Variants in ABTB3 observed in about 807,000 individuals in gnomAD.
ABTB3 encodes the protein ankyrin repeat- and BTB/POZ domain-containing protein 3.
At chr12:107,639,720 T>C in the ABTB3 span, among the ~76,000 whole-genome samples, 11 of 152,340 alleles carry the variant, frequency 7.2e-5, no homozygotes, top group East Asian at 2.1e-3. Flanking sequence ...TTGTAGCTTC[T>C]CCACCAGTCA....
At chr12:107,432,723 A>G in the ABTB3 span, among the ~76,000 whole-genome samples, 1 of 152,318 alleles carries the variant, frequency 6.6e-6, no homozygotes, top group Middle Eastern at 3.4e-3. Context: ...AGTGTGTACT[A>G]TGGGGAAGTT....
At chr12:107,628,035 C>G in the ABTB3 span, among the ~76,000 whole-genome samples, 1 of 152,120 alleles carries the variant, frequency 6.6e-6, no homozygotes, top group Non-Finnish European at 1.5e-5. Context: ...CTTCTGGGGC[C>G]GGTAGCCCAC....
chr12:107,368,283 T>A, the ABTB3 span, among the ~76,000 whole-genome samples: 577 of 152,284 alleles, frequency 3.8e-3, 7 homozygotes, highest in African/African-American at 0.013. Context: ...AAAGGCTCTG[T>A]CCAGAAGGTG....
the ABTB3 span, among the ~76,000 whole-genome samples, chr12:107,541,276 G>A: frequency 8.5e-5 from 13 of 152,220 alleles, no homozygotes; most frequent in African/African-American, 2.7e-4. Context: ...GTGTCACGTT[G>A]AAAGGTACAG....
chr12:107,387,328 G>A, the ABTB3 span, among the ~76,000 whole-genome samples: 1 of 152,286 alleles, frequency 6.6e-6, no homozygotes, highest in East Asian at 1.9e-4. Context: ...CCACCCTTGA[G>A]CCTGCTCCTG....
chr12:107,569,856 C>T, the ABTB3 span, among the ~76,000 whole-genome samples: 1 of 152,236 alleles, frequency 6.6e-6, no homozygotes. Context: ...CCAGGCACCA[C>T]TTCTATCTTG....
At chr12:107,547,917 C>A in the ABTB3 span, among the ~76,000 whole-genome samples, 2 of 152,202 alleles carry the variant, frequency 1.3e-5, no homozygotes, top group African/African-American at 2.4e-5. Context: ...TCATATTATA[C>A]TTTTTGGGCT....
the ABTB3 span, among the ~76,000 whole-genome samples, chr12:107,622,269 G>C: frequency 1.3e-5 from 2 of 152,110 alleles, no homozygotes; most frequent in African/African-American, 2.4e-5. Context: ...TAATTTCCCC[G>C]AGCCTGCAGG....
chr12:107,534,811 C>T, the ABTB3 span, among the ~76,000 whole-genome samples: 3 of 152,100 alleles, frequency 2.0e-5, no homozygotes, highest in Non-Finnish European at 4.4e-5. Context: ...ATTCTCCTAA[C>T]AAAGAAAAGC....
chr12:107,501,472 A>T, the ABTB3 span, among the ~76,000 whole-genome samples: 10,024 of 151,816 alleles, frequency 0.066, 385 homozygotes, highest in African/African-American at 0.07. Context: ...GGCCAAGGTG[A>T]GTGGATTGCT....
the ABTB3 span, among the ~76,000 whole-genome samples, chr12:107,410,501 G>A: frequency 5.9e-5 from 9 of 152,198 alleles, no homozygotes; most frequent in African/African-American, 1.9e-4. Context: ...ACCTCCTTAG[G>A]CTGCGGGATT....
At chr12:107,560,329 G>A in the ABTB3 span, among the ~76,000 whole-genome samples, 1 of 152,178 alleles carries the variant, frequency 6.6e-6, no homozygotes, top group African/African-American at 2.4e-5. Flanking sequence ...CAACTGAGGG[G>A]TTAATTCACA....
chr12:107,497,498 CCAT>C, the ABTB3 span, among the ~76,000 whole-genome samples: 572 of 151,794 alleles, frequency 3.8e-3, 2 homozygotes, highest in African/African-American at 0.012. Flanking sequence ...ACCCCCACCA[CCAT>C]CATCATCACC....
the ABTB3 span, among the ~76,000 whole-genome samples, chr12:107,341,097 G>A: frequency 6.6e-6 from 1 of 152,308 alleles, no homozygotes; most frequent in African/African-American, 2.4e-5. Context: ...AGCTCTATGA[G>A]CAGAAGAGCC....
the ABTB3 span, among the ~76,000 whole-genome samples, chr12:107,620,779 A>G: frequency 9.2e-5 from 14 of 152,172 alleles, no homozygotes; most frequent in Admixed American, 2.0e-4. Context: ...CAACAGAGAA[A>G]TGCAGCCTCT....
the ABTB3 span, chr12:107,320,537 C>CT: frequency 4.4e-6 from 2 of 455,922 alleles, no homozygotes; most frequent in Non-Finnish European, 8.8e-6. Flanking sequence ...CCCACTTCCC[C>CT]ACTCCCTCGG....
chr12:107,604,638 G>C, the ABTB3 span, among the ~76,000 whole-genome samples: 1 of 152,118 alleles, frequency 6.6e-6, no homozygotes, highest in African/African-American at 2.4e-5. Context: ...AGAGTGTCAA[G>C]AAAAGGAACC....
the ABTB3 span, chr12:107,620,266 T>C: frequency 7.0e-7 from 1 of 1,421,750 alleles, no homozygotes; most frequent in Non-Finnish European, 9.6e-7. Flanking sequence ...TTGAGTGGGA[T>C]CACTACGGTC....
the ABTB3 span, among the ~76,000 whole-genome samples, chr12:107,455,446 T>G: frequency 3.9e-5 from 6 of 152,008 alleles, no homozygotes; most frequent in African/African-American, 1.4e-4. Context: ...ATTTTTTTTT[T>G]TTTGGTGTTG....
Sources: gnomAD v4.1 joint callset for allele counts (sites outside exome capture counted in the v4.1 genomes callset) on GRCh38, gnomAD v4.1.1 for gene constraint, MANE v1.5 for transcripts, NCBI Gene and HGNC (gene_info 2026-07-23, HGNC 2026-07-21) for gene names.